Variants in FHIT observed in about 807,000 individuals in gnomAD.
The protein encoded by FHIT is bis(5'-adenosyl)-triphosphatase.
FHIT carries 19 observed loss-of-function variants against 17.9 expected under a neutral mutation model. The observed-to-expected ratio is 1.06, with a 90% CI of 0.74 to 1.56. The LOEUF is 1.56. Ranked by LOEUF, FHIT falls within the 40% of genes most tolerant of loss-of-function variation. The pLI, the probability that FHIT is intolerant of heterozygous loss-of-function variation, is 0.00. For missense variants in FHIT, 248 were observed against 189.2 expected, an observed-to-expected ratio of 1.31 and a Z score of -1.82; for synonymous variants, 81 against 69.7, an observed-to-expected ratio of 1.16 and a Z score of -0.81.
intron 2 of FHIT, among the ~76,000 whole-genome samples, chr3:61,119,373 G>C (rs1025298795): frequency 1.3e-4 from 19 of 151,970 alleles, no homozygotes; most frequent in Non-Finnish European, 2.5e-4. Flanking sequence ...ACCATGCCCA[G>C]CTAATTTTTT....
chr3:59,780,625 T>A (rs1271436954), intron 8 of FHIT, among the ~76,000 whole-genome samples: 1 of 152,176 alleles, frequency 6.6e-6, no homozygotes, highest in African/African-American at 2.4e-5. Flanking sequence ...TAGGGTTAGA[T>A]GAGGTCATGA....
intron 5 of FHIT, among the ~76,000 whole-genome samples, chr3:60,329,663 A>G (rs1316034267): frequency 2.0e-5 from 3 of 152,220 alleles, no homozygotes; most frequent in African/African-American, 7.2e-5. Flanking sequence ...TTCCATCTGC[A>G]TTCCTGCCTT....
intron 5 of FHIT, among the ~76,000 whole-genome samples, chr3:60,133,845 T>TAA (rs11457865): frequency 6.8e-5 from 10 of 146,190 alleles, no homozygotes; most frequent in Admixed American, 2.0e-4. Context: ...AATAAAGAAT[T>TAA]AAAAAAAAAA....
intron 8 of FHIT, among the ~76,000 whole-genome samples, chr3:59,856,224 A>G (rs114411988): frequency 0.015 from 2,325 of 152,310 alleles, 63 homozygotes; most frequent in African/African-American, 0.053. Flanking sequence ...AAATGTATAA[A>G]TGCCTAAAAA....
At chr3:59,838,357 C>T (rs1403498561) in intron 8 of FHIT, among the ~76,000 whole-genome samples, 1 of 152,196 alleles carries the variant, frequency 6.6e-6, no homozygotes, top group African/African-American at 2.4e-5. Flanking sequence ...CCTTGGGTTG[C>T]AACCCTCTCA....
At chr3:60,191,527 A>T (rs1702403681) in intron 5 of FHIT, among the ~76,000 whole-genome samples, 1 of 152,224 alleles carries the variant, frequency 6.6e-6, no homozygotes, top group Non-Finnish European at 1.5e-5. Flanking sequence ...ATAAAGCCGT[A>T]GTGATTAGAA....
intron 3 of FHIT, among the ~76,000 whole-genome samples, chr3:60,969,866 T>C (rs1344639699): frequency 1.3e-5 from 2 of 152,184 alleles, no homozygotes; most frequent in Non-Finnish European, 2.9e-5. Flanking sequence ...TACTGACTTT[T>C]TTGTTTGTTT....
At chr3:59,934,998 A>G (rs1706162796) in intron 7 of FHIT, among the ~76,000 whole-genome samples, 1 of 152,086 alleles carries the variant, frequency 6.6e-6, no homozygotes, top group Non-Finnish European at 1.5e-5. Flanking sequence ...CAGCTATAAA[A>G]CCAGGATAAC....
At chr3:60,878,435 A>T (rs1704775149) in intron 3 of FHIT, among the ~76,000 whole-genome samples, 1 of 152,090 alleles carries the variant, frequency 6.6e-6, no homozygotes, top group African/African-American at 2.4e-5. Context: ...GGAGGACCCC[A>T]AAAGCCCTGC....
intron 7 of FHIT, among the ~76,000 whole-genome samples, chr3:59,929,018 A>ATG: frequency 6.6e-6 from 1 of 150,672 alleles, no homozygotes; most frequent in Non-Finnish European, 1.5e-5. Flanking sequence ...AAAAAAAAAA[A>ATG]AAGGACAGAT....
At chr3:61,007,549 T>C (rs2031532756) in intron 3 of FHIT, among the ~76,000 whole-genome samples, 1 of 152,236 alleles carries the variant, frequency 6.6e-6, no homozygotes, top group African/African-American at 2.4e-5. Context: ...TACCAGTTCT[T>C]AATCTCCTAC....
intron 4 of FHIT, among the ~76,000 whole-genome samples, chr3:60,803,844 G>A (rs781940578): frequency 9.9e-5 from 15 of 151,818 alleles, no homozygotes; most frequent in Admixed American, 2.0e-4. Flanking sequence ...AGCTGGCACC[G>A]AACAGGCCAA....
At chr3:60,260,079 T>C (rs1296391659) in intron 5 of FHIT, among the ~76,000 whole-genome samples, 1 of 152,088 alleles carries the variant, frequency 6.6e-6, no homozygotes, top group Non-Finnish European at 1.5e-5. Context: ...TAAGGCAATA[T>C]TTAAACGCCA....
intron 5 of FHIT, among the ~76,000 whole-genome samples, chr3:60,534,682 T>G (rs1366661935): frequency 1.3e-5 from 2 of 152,144 alleles, no homozygotes; most frequent in Non-Finnish European, 2.9e-5. Flanking sequence ...GGATCCTTCT[T>G]GCTACCTTCC....
intron 1 of FHIT, among the ~76,000 whole-genome samples, chr3:61,219,973 T>C (rs1242718478): frequency 6.6e-6 from 1 of 152,206 alleles, no homozygotes; most frequent in African/African-American, 2.4e-5. Context: ...CAACATTACC[T>C]GGAACTGAGG....
intron 4 of FHIT, among the ~76,000 whole-genome samples, chr3:60,579,854 C>A (rs553416438): frequency 6.6e-6 from 1 of 152,218 alleles, no homozygotes; most frequent in Non-Finnish European, 1.5e-5. Context: ...GCCCAGGTAA[C>A]AAAATGCAGG....
Position 59,925,835 on chromosome 3 carries a change from C to T in FHIT, c.280-3421G>A, listed in dbSNP as rs967850095. Among the ~76,000 whole-genome samples, 13 of 152,110 alleles carry T rather than the reference C, an allele frequency of 8.5e-5. No individual in the cohort carries two copies. In the East Asian group the frequency reaches 2.3e-3, roughly 27 times the overall value. On this transcript the variant is annotated intron_variant, in intron 7 of 9. Transcript: ENST00000492590. ...TCAGCTTCTCAGAACAGGGAAATCA[C>T]GATAGAGCCAGCTCAAAGCCTCATT...
At chr3:61,127,532 A>C (rs1018813264) in intron 2 of FHIT, among the ~76,000 whole-genome samples, 8 of 152,278 alleles carry the variant, frequency 5.3e-5, no homozygotes, top group East Asian at 1.9e-4. Context: ...CCCCCCTGAC[A>C]GTTTTCATCT....
chr3:60,636,270 C>A (rs1358320444), intron 4 of FHIT, among the ~76,000 whole-genome samples: 1 of 152,078 alleles, frequency 6.6e-6, no homozygotes, highest in Non-Finnish European at 1.5e-5. Context: ...GGGGTTTCAC[C>A]ATGTTGGTCA....
Sources: allele counts gnomAD v4.1 joint callset (sites outside exome capture counted in the v4.1 genomes callset), GRCh38; gene constraint gnomAD v4.1.1; transcripts MANE v1.5; gene names NCBI Gene and HGNC (gene_info 2026-07-23, HGNC 2026-07-21).